Variants in KIRREL3 observed in about 807,000 individuals in gnomAD.
The protein encoded by KIRREL3 is kirre like nephrin family adhesion molecule 3.
A neutral mutation model predicts 89.7 loss-of-function variants in KIRREL3; 36 were observed. The observed-to-expected ratio is 0.40, with a 90% CI of 0.31 to 0.53. The LOEUF is 0.53. Among genes scored for constraint, KIRREL3 ranks in the 20% least tolerant of loss-of-function variants. The pLI is 0.49. For missense variants in KIRREL3, 864 were observed against 1,056.6 expected (o/e 0.82, Z 2.53); for synonymous variants, 445 against 441.4 (o/e 1.01, Z -0.10).
chr11:126,828,219 G>A (rs1943482423), intron 1 of KIRREL3, among the ~76,000 whole-genome samples: 3 of 152,166 alleles, frequency 2.0e-5, no homozygotes, highest in Admixed American at 1.3e-4. Context: ...TAACAAGCAG[G>A]GTCCCAGTTA....
chr11:126,793,876 T>A (rs141526159), intron 1 of KIRREL3, among the ~76,000 whole-genome samples: 1 of 152,270 alleles, frequency 6.6e-6, no homozygotes, highest in African/African-American at 2.4e-5. Flanking sequence ...AATACACATG[T>A]TGCTTCTCTT....
At chr11:126,425,998 G>A (rs940192209) in intron 15 of KIRREL3, among the ~76,000 whole-genome samples, 6 of 152,224 alleles carry the variant, frequency 3.9e-5, no homozygotes, top group Admixed American at 1.3e-4. Context: ...TCGCTTGGGC[G>A]AGGGCATCAC....
intron 1 of KIRREL3, among the ~76,000 whole-genome samples, chr11:126,592,688 A>T (rs1347241850): frequency 2.6e-5 from 4 of 152,162 alleles, no homozygotes; most frequent in African/African-American, 9.6e-5. Flanking sequence ...GGGAGGAGGG[A>T]GCCAGGGTGG....
Position 126,983,652 on chromosome 11 carries a change from G to A in KIRREL3, c.55+16803C>T, listed in dbSNP as rs914382914. On this transcript the variant is annotated intron_variant, in intron 1 of 16. Coordinates refer to ENST00000525144, the MANE Select transcript of KIRREL3 (RefSeq NM_032531.4). This position sits in a 1 kb window ranked among gnomAD's most constrained non-coding sequence, Gnocchi z 4.9. ...GAGTGTAGGCACTCTGCCTCTAGAAGCCAGAAAAGGCCAAGAAATTGATTT... is the reference window on the plus strand; with the variant it reads ...GAGTGTAGGCACTCTGCCTCTAGAAACCAGAAAAGGCCAAGAAATTGATTT... 2.0e-5 allele frequency among the ~76,000 whole-genome samples: 3 copies of A among 152,166 alleles called. No individual in the cohort carries two copies. Among genetic ancestry groups the A allele is most frequent in the Non-Finnish European group, 4.4e-5 (3 of 68,038 alleles).
At chr11:126,464,612 G>A (rs1253919480) in intron 5 of KIRREL3, among the ~76,000 whole-genome samples, 2 of 152,050 alleles carry the variant, frequency 1.3e-5, no homozygotes, top group Non-Finnish European at 2.9e-5. Context: ...AGGAGGAGAA[G>A]AGGAGGATGA....
chr11:126,874,301 T>C (rs932622706), intron 1 of KIRREL3, among the ~76,000 whole-genome samples: 6 of 152,178 alleles, frequency 3.9e-5, no homozygotes, highest in Non-Finnish European at 7.3e-5. Flanking sequence ...TTCTGATATT[T>C]CAGCTCTCCA....
At chr11:127,001,375 C>A (rs1483712801), upstream of KIRREL3, among the ~76,000 whole-genome samples, 1 of 151,200 alleles carries the variant, frequency 6.6e-6, no homozygotes, top group African/African-American at 2.4e-5. Context: ...TTGCACTGCT[C>A]CTGGAAGACA....
At chr11:126,738,968 T>C (rs1186484200) in intron 1 of KIRREL3, among the ~76,000 whole-genome samples, 3 of 152,230 alleles carry the variant, frequency 2.0e-5, no homozygotes, top group African/African-American at 7.2e-5. Context: ...CTGCCTACTG[T>C]GTTCCAGGTG....
Position 126,432,109 on chromosome 11 carries a change from C to T in KIRREL3, c.1589-583G>A, listed in dbSNP as rs192540943. ...CCCTCAGGTGTCCAAGTCTCAGGGT[C>T]CAGGGAGCAGGGTTACAGCTTCTCC... On this transcript the variant is annotated intron_variant, in intron 13 of 16. Coordinates refer to ENST00000525144, the MANE Select transcript of KIRREL3 (RefSeq NM_032531.4). This position sits in a 1 kb window ranked among gnomAD's most constrained non-coding sequence, Gnocchi z 6.2. Among the ~76,000 whole-genome samples the T allele has an allele frequency of 1.0e-3, 159 of 152,194 alleles. No individual in the cohort carries two copies. The highest frequency in any genetic ancestry group is 3.7e-3 in the African/African-American group (155 of 41,512).
intron 1 of KIRREL3, among the ~76,000 whole-genome samples, chr11:126,673,705 G>A (rs1012868271): frequency 1.3e-5 from 2 of 152,178 alleles, no homozygotes; most frequent in African/African-American, 4.8e-5. Flanking sequence ...AGGAGTGTGG[G>A]GAATAGTCTC....
Position 126,870,323 on chromosome 11 carries a change from A to T in KIRREL3, c.55+130132T>A, listed in dbSNP as rs1299178940. 6.6e-6 allele frequency among the ~76,000 whole-genome samples: 1 copy of T among 152,186 alleles called. No individual in the cohort carries two copies. Among genetic ancestry groups the T allele is most frequent in the Non-Finnish European group, 1.5e-5 (1 of 68,042 alleles). On this transcript the variant is annotated intron_variant, in intron 1 of 16. Transcript: ENST00000525144. This position sits in a 1 kb window ranked among gnomAD's most constrained non-coding sequence, Gnocchi z 4.4. ...ACAGCTGGGATTGTCATGGACATCA[A>T]TATGAAAGGCAGTGCAGGAGCCAGG...
Position 126,569,515 on chromosome 11 carries a change from A to T in KIRREL3, c.56-6603T>A, listed in dbSNP as rs980875991. ...CCACTAAGTGCTGGGCACTATGTGC[A>T]AGAGAAAAAAATAGTAGGCAAACTT... is the stretch of plus-strand genomic sequence containing the variant. On this transcript the variant is annotated intron_variant, in intron 1 of 16. Coordinates refer to ENST00000525144, the MANE Select transcript of KIRREL3 (RefSeq NM_032531.4). This position sits in a 1 kb window ranked among gnomAD's most constrained non-coding sequence, Gnocchi z 6.5. 1.3e-5 allele frequency among the ~76,000 whole-genome samples: 2 copies of T among 152,246 alleles called. No homozygotes were observed. The highest frequency in any genetic ancestry group is 4.8e-5 in the African/African-American group (2 of 41,454).
intron 1 of KIRREL3, among the ~76,000 whole-genome samples, chr11:126,945,779 C>T (rs1423617772): frequency 2.6e-5 from 4 of 152,066 alleles, no homozygotes; most frequent in Admixed American, 6.5e-5. Flanking sequence ...AGCATGTTGA[C>T]GGTTATAAAG....
rs1168871425 is a variant in KIRREL3, at chr11:126,627,191, A to C, written c.56-64279T>G. 6.6e-6 allele frequency among the ~76,000 whole-genome samples: 1 copy of C among 152,122 alleles called. No individual in the cohort carries two copies. Among genetic ancestry groups the C allele is most frequent in the African/African-American group, 2.4e-5 (1 of 41,436 alleles). On this transcript the variant is annotated intron_variant, in intron 1 of 16. Coordinates refer to ENST00000525144, the MANE Select transcript of KIRREL3 (RefSeq NM_032531.4). The surrounding 1 kb of genome is among the most constrained non-coding windows in gnomAD (Gnocchi z 5.0). The stretch of plus-strand genomic sequence containing the variant: ...AGCATAAGGAGGTGGAGGTGAGAGA[A>C]TTTCAGACTGAGGAACTGAAAGAGC...
intron 8 of KIRREL3, among the ~76,000 whole-genome samples, chr11:126,447,772 G>C (rs1024998887): frequency 6.6e-6 from 1 of 152,222 alleles, no homozygotes; most frequent in Non-Finnish European, 1.5e-5. Flanking sequence ...CTGGTGCCAG[G>C]AGACTGCGAT....
At chr11:126,581,024 C>T (rs908730366) in intron 1 of KIRREL3, among the ~76,000 whole-genome samples, 2 of 152,068 alleles carry the variant, frequency 1.3e-5, no homozygotes, top group African/African-American at 4.8e-5. Context: ...GGTTAGACAG[C>T]CCTTCTCAAA....
intron 1 of KIRREL3, among the ~76,000 whole-genome samples, chr11:126,746,972 C>T (rs1949173103): frequency 6.6e-6 from 1 of 152,198 alleles, no homozygotes; most frequent in Non-Finnish European, 1.5e-5. Flanking sequence ...TTTTAGTGTG[C>T]TCTGTTCTAA....
chr11:126,433,160 T>C (rs976648039), intron 13 of KIRREL3, among the ~76,000 whole-genome samples: 1 of 152,220 alleles, frequency 6.6e-6, no homozygotes, highest in African/African-American at 2.4e-5. Flanking sequence ...ATTACAGGCG[T>C]GAGCCATCGT....
rs1948770728 is a variant in KIRREL3, at chr11:126,951,433, AC to A, written c.55+49021del. ...CCTGCAGCATCTGGCTCACTGAAGG[AC>A]ACACCGTAGATGCTCAGTAATGTCT... On this transcript the variant is annotated intron_variant, in intron 1 of 16. Coordinates refer to ENST00000525144, the MANE Select transcript of KIRREL3 (RefSeq NM_032531.4). Among the ~76,000 whole-genome samples, 3 of 152,176 alleles carry A rather than the reference AC, an allele frequency of 2.0e-5. No individual in the cohort carries two copies. In the South Asian group the frequency reaches 6.2e-4, roughly 32 times the overall value.
Sources: allele counts gnomAD v4.1 joint callset (sites outside exome capture counted in the v4.1 genomes callset), GRCh38; gene constraint gnomAD v4.1.1; non-coding constraint Gnocchi (gnomAD v3.1); transcripts MANE v1.5; gene names NCBI Gene and HGNC (gene_info 2026-07-23, HGNC 2026-07-21).